KCNB2: variants seen among roughly 807,000 people sequenced by gnomAD.
The protein encoded by KCNB2 is delayed rectifier potassium channel protein.
Under a neutral mutation model 61.5 loss-of-function variants are expected in KCNB2, and 15 were observed. The ratio of observed to expected loss-of-function variants is 0.24; its 90% CI spans 0.16 to 0.38. KCNB2 has a LOEUF of 0.38. Among genes scored for constraint, KCNB2 ranks in the 10% least tolerant of loss-of-function variants. The pLI is 1.00. For missense variants in KCNB2, 828 were observed against 1,125.2 expected (o/e 0.74, Z 3.78); for synonymous variants, 457 against 446.0 (o/e 1.02, Z -0.31).
At chr8:72,833,033 A>G (rs1490620796) in intron 2 of KCNB2, among the ~76,000 whole-genome samples, 1 of 152,196 alleles carries the variant, frequency 6.6e-6, no homozygotes, top group East Asian at 1.9e-4. Flanking sequence ...TAAGTAAAAG[A>G]GATTTGGAGG....
intron 2 of KCNB2, among the ~76,000 whole-genome samples, chr8:72,821,455 C>G (rs774176300): frequency 6.6e-6 from 1 of 152,018 alleles, no homozygotes; most frequent in Non-Finnish European, 1.5e-5. Flanking sequence ...TTGGATGATG[C>G]TTAGCTGCTC....
At chr8:72,741,631 A>G (rs937116491) in intron 2 of KCNB2, among the ~76,000 whole-genome samples, 1 of 151,466 alleles carries the variant, frequency 6.6e-6, no homozygotes, top group African/African-American at 2.4e-5. Context: ...TTGCATCCTC[A>G]TATCTTAGCT....
intron 1 of KCNB2, among the ~76,000 whole-genome samples, chr8:72,558,067 T>C (rs1216658258): frequency 6.6e-6 from 1 of 152,332 alleles, no homozygotes; most frequent in Non-Finnish European, 1.5e-5. Context: ...GTCCACAACA[T>C]GTGTTAAGCA....
At chr8:72,691,995 G>A (rs1226748993) in intron 2 of KCNB2, among the ~76,000 whole-genome samples, 4 of 152,084 alleles carry the variant, frequency 2.6e-5, no homozygotes, top group Admixed American at 2.6e-4. Flanking sequence ...CCAGCAGTTT[G>A]GGAGGCCGAG....
chr8:72,592,569 C>T (rs981567322), intron 2 of KCNB2, among the ~76,000 whole-genome samples: 8 of 151,936 alleles, frequency 5.3e-5, no homozygotes, highest in Non-Finnish European at 1.2e-4. Context: ...GGCATGGCCA[C>T]ATGATATACA....
intron 1 of KCNB2, among the ~76,000 whole-genome samples, chr8:72,562,001 AACTTACT>A (rs1485010785): frequency 1.3e-5 from 2 of 151,592 alleles, no homozygotes; most frequent in African/African-American, 4.8e-5. Context: ...TTTCTACAGA[AACTTACT>A]ACTTAATGCT....
At chr8:72,840,184 C>T (rs1263754580) in intron 2 of KCNB2, among the ~76,000 whole-genome samples, 2 of 152,118 alleles carry the variant, frequency 1.3e-5, no homozygotes, top group South Asian at 4.2e-4. Context: ...TCCTGTGTTA[C>T]TTTGCTGAGA....
At chr8:72,662,506 C>A (rs994196453) in intron 2 of KCNB2, among the ~76,000 whole-genome samples, 2 of 152,158 alleles carry the variant, frequency 1.3e-5, no homozygotes, top group Non-Finnish European at 2.9e-5. Context: ...GCTGGGGGCT[C>A]CAGCTACCCC....
intron 2 of KCNB2, among the ~76,000 whole-genome samples, chr8:72,844,724 C>T (rs1270444323): frequency 6.6e-6 from 1 of 152,190 alleles, no homozygotes; most frequent in Non-Finnish European, 1.5e-5. Flanking sequence ...TCCGCTTAAT[C>T]AATTCGGCTA....
chr8:72,609,541 A>G (rs1805505610), intron 2 of KCNB2, among the ~76,000 whole-genome samples: 2 of 152,248 alleles, frequency 1.3e-5, no homozygotes, highest in Non-Finnish European at 2.9e-5. Flanking sequence ...TTTTTCTACA[A>G]TGAATATTAT....
At chr8:72,571,342 A>G (rs769470348) in intron 2 of KCNB2, among the ~76,000 whole-genome samples, 2 of 152,236 alleles carry the variant, frequency 1.3e-5, no homozygotes, top group African/African-American at 4.8e-5. Context: ...CTGGTGTCAC[A>G]TAAGGAGCCA....
At chr8:72,661,579 T>C (rs577484560) in intron 2 of KCNB2, 1 of 152,370 alleles carries the variant, frequency 6.6e-6, no homozygotes, top group East Asian at 1.9e-4. Flanking sequence ...AATGTGTTTG[T>C]TTCTTTCCAT....
chr8:72,758,892 A>AT (rs1484468224), intron 2 of KCNB2, among the ~76,000 whole-genome samples: 1 of 152,230 alleles, frequency 6.6e-6, no homozygotes, highest in Non-Finnish European at 1.5e-5. Flanking sequence ...CTGGTTTGAC[A>AT]TTTACTTAAA....
intron 2 of KCNB2, among the ~76,000 whole-genome samples, chr8:72,736,845 G>A (rs1807854860): frequency 1.3e-5 from 2 of 152,142 alleles, no homozygotes; most frequent in Admixed American, 1.3e-4. Flanking sequence ...CTCAACTGCT[G>A]AGAAATTTAA....
intron 2 of KCNB2, among the ~76,000 whole-genome samples, chr8:72,658,278 G>T (rs943456922): frequency 2.0e-5 from 3 of 152,130 alleles, no homozygotes; most frequent in Non-Finnish European, 4.4e-5. Context: ...CAACTTTATT[G>T]TTAATATGTA....
chr8:72,823,731 C>T (rs1809550359), intron 2 of KCNB2, among the ~76,000 whole-genome samples: 1 of 152,178 alleles, frequency 6.6e-6, no homozygotes, highest in African/African-American at 2.4e-5. Context: ...CTATAATTAG[C>T]TCCATTTTAC....
intron 2 of KCNB2, among the ~76,000 whole-genome samples, chr8:72,692,521 C>G (rs1806955464): frequency 6.6e-6 from 1 of 151,946 alleles, no homozygotes; most frequent in Non-Finnish European, 1.5e-5. Flanking sequence ...CTCCAATGTT[C>G]TATAACATTA....
chr8:72,821,021 G>T (rs117793416), intron 2 of KCNB2, among the ~76,000 whole-genome samples: 1,795 of 152,148 alleles, frequency 0.012, 19 homozygotes, highest in Non-Finnish European at 0.018. Context: ...ACATGTTCTG[G>T]TATTCTTTTC....
At chr8:72,889,959 C>T (rs1805869613) in intron 2 of KCNB2, among the ~76,000 whole-genome samples, 1 of 152,064 alleles carries the variant, frequency 6.6e-6, no homozygotes, top group African/African-American at 2.4e-5. Context: ...CTTCATCAGG[C>T]TGGTCTTGAA....
Sources: allele counts gnomAD v4.1 joint callset (sites outside exome capture counted in the v4.1 genomes callset), GRCh38; gene constraint gnomAD v4.1.1; transcripts MANE v1.5; gene names NCBI Gene and HGNC (gene_info 2026-07-23, HGNC 2026-07-21).